BASP1: variants seen among roughly 807,000 people sequenced by gnomAD.
BASP1 encodes brain abundant membrane attached signal protein 1.
A neutral mutation model predicts 2.2 loss-of-function variants in BASP1; 1 was observed. The ratio of observed to expected loss-of-function variants is 0.46; its 90% CI spans 0.16 to 2.17. The LOEUF is 2.17. Ranked by LOEUF, BASP1 falls within the 30% of genes most tolerant of loss-of-function variation. The pLI is 0.27. For synonymous variants in BASP1, 187 were observed against 154.2 expected, an observed-to-expected ratio of 1.21 and a Z score of -1.58; for missense variants, 352 against 327.2, an observed-to-expected ratio of 1.08 and a Z score of -0.58.
chr5:17,250,644 G>A lies in BASP1; in HGVS notation c.-9-24564G>A, dbSNP rs147365049. On this transcript the variant is annotated intron_variant, in intron 1 of 1. Transcript: ENST00000322611. The stretch of plus-strand genomic sequence containing the variant: ...TTTTGAGACGGAGTCTCGCTTTGTC[G>A]CCCAGGCTGGAGTGCAGTGGCCCGA... Among the ~76,000 whole-genome samples, 4 of 151,808 alleles carry A rather than the reference G, an allele frequency of 2.6e-5. No individual in the cohort carries two copies. In the East Asian group the frequency reaches 7.8e-4, roughly 30 times the overall value.
intron 1 of BASP1, among the ~76,000 whole-genome samples, chr5:17,225,281 ACC>A (rs746640987): frequency 7.3e-5 from 11 of 151,510 alleles, no homozygotes; most frequent in Non-Finnish European, 1.5e-4. Context: ...TAAAAAAAAA[ACC>A]AGTCTGGATC....
At chr5:17,247,473 C>T (rs1481664235) in intron 1 of BASP1, among the ~76,000 whole-genome samples, 1 of 152,170 alleles carries the variant, frequency 6.6e-6, no homozygotes, top group Non-Finnish European at 1.5e-5. Flanking sequence ...GTTATTATGC[C>T]TTCATTCAAT....
rs1045929259 is a variant in BASP1 at position 17,276,822 on chromosome 5, C to T, written c.*922C>T. 1.2e-5 allele frequency: 2 copies of T among 165,372 alleles called. No individual in the cohort carries two copies. The highest frequency in any genetic ancestry group is 4.9e-5 in the African/African-American group (2 of 40,926). The allele number at this position is 165,372 out of a possible 1,614,324, so 10.2% of individuals were successfully genotyped here. A position where few individuals can be genotyped will look rare whatever the true frequency, so the allele number is the denominator to read the frequency against. On this transcript the variant is annotated 3_prime_UTR_variant, in exon 2 of 2. Coordinates refer to ENST00000322611, the MANE Select transcript of BASP1 (RefSeq NM_006317.5). ...ATGGTGCAACAGTAATAAAGTTAAA[C>T]AATTAAAAAGAAGTAATAAAGACTA...
chr5:17,236,655 A>T lies in BASP1; in HGVS notation c.-10+18845A>T, dbSNP rs1739754115. 6.6e-6 allele frequency among the ~76,000 whole-genome samples: 1 copy of T among 152,190 alleles called. No homozygotes were observed. Among genetic ancestry groups the T allele is most frequent in the South Asian group, 2.1e-4 (1 of 4,832 alleles). ...TGGCTACTGAATATATCCTGAGAGC[A>T]GGTCCTAAGAGTTTATTTTTCATGT... On this transcript the variant is annotated intron_variant, in intron 1 of 1. Transcript: ENST00000322611. This position sits in a 1 kb window ranked among gnomAD's most constrained non-coding sequence, Gnocchi z 4.0.
intron 1 of BASP1, among the ~76,000 whole-genome samples, chr5:17,228,344 A>G (rs1028350064): frequency 6.6e-6 from 1 of 152,214 alleles, no homozygotes; most frequent in African/African-American, 2.4e-5. Context: ...TAACTATCCA[A>G]TGGAATGGTA....
intron 1 of BASP1, among the ~76,000 whole-genome samples, chr5:17,234,452 C>T (rs58727143): frequency 0.012 from 1,826 of 152,210 alleles, 26 homozygotes; most frequent in African/African-American, 0.042. Context: ...TTAAATGAAA[C>T]ATCAGTGGCA....
At chr5:17,229,283 G>A (rs1469842153) in intron 1 of BASP1, among the ~76,000 whole-genome samples, 1 of 152,192 alleles carries the variant, frequency 6.6e-6, no homozygotes. Context: ...AGGCACCTGT[G>A]AGCAGTGGCA....
intron 1 of BASP1, among the ~76,000 whole-genome samples, chr5:17,239,336 G>A (rs1321177401): frequency 2.0e-5 from 3 of 151,966 alleles, no homozygotes; most frequent in South Asian, 2.1e-4. Context: ...CTTGTGATCC[G>A]CCCGCCTCAG....
intron 1 of BASP1, among the ~76,000 whole-genome samples, chr5:17,255,073 G>A (rs1740179808): frequency 6.6e-6 from 1 of 151,902 alleles, no homozygotes. Flanking sequence ...ATTCTAACTG[G>A]CAACATTTTA....
chr5:17,255,914 A>T (rs1452191853), intron 1 of BASP1, among the ~76,000 whole-genome samples: 1 of 152,200 alleles, frequency 6.6e-6, no homozygotes, highest in Non-Finnish European at 1.5e-5. Context: ...ACACCAGAGT[A>T]GGTTTCTAGA....
Position 17,254,753 on chromosome 5 carries a change from T to A in BASP1, c.-9-20455T>A, listed in dbSNP as rs146378117. On this transcript the variant is annotated intron_variant, in intron 1 of 1. Transcript: ENST00000322611. ...ACTGAAATTTAGTATGTACCATGCT[T>A]AGGACTGATCCGAAGACATTTTAGG... 6.3e-3 allele frequency among the ~76,000 whole-genome samples: 967 copies of A among 152,300 alleles called. 7 individuals carry two copies. The highest frequency in any genetic ancestry group is 9.0e-3 in the Non-Finnish European group (609 of 68,018).
In BASP1 at chr5:17,275,200, G is replaced by C. The variant is rs752802892; in HGVS notation, c.-9-8G>C. On this transcript the variant is annotated splice_region_variant and splice_polypyrimidine_tract_variant and intron_variant, in intron 1 of 1. Transcript: ENST00000322611. The surrounding 1 kb of genome is among the most constrained non-coding windows in gnomAD (Gnocchi z 5.3). ...CGCCGTTTTGTTTTGTTTTGTGTTT[G>C]CTTCCAGAACTCCAAGATGGGAGGC... is the stretch of plus-strand genomic sequence containing the variant. 1.9e-6 allele frequency: 3 copies of C among 1,588,620 alleles called. No individual in the cohort carries two copies. The Admixed American group carries it at 5.1e-5, about 27-fold the overall frequency.
At chr5:17,232,264 C>T (rs144573648) in intron 1 of BASP1, among the ~76,000 whole-genome samples, 19 of 152,326 alleles carry the variant, frequency 1.2e-4, no homozygotes, top group East Asian at 7.7e-4. Context: ...TTACACTCCT[C>T]GTCTGTCCTT....
intron 1 of BASP1, among the ~76,000 whole-genome samples, chr5:17,218,445 T>A (rs1216421639): frequency 1.3e-5 from 2 of 152,148 alleles, no homozygotes; most frequent in African/African-American, 4.8e-5. Flanking sequence ...CGACGTGCAC[T>A]CAGAAGCACC....
chr5:17,238,026 A>C (rs895976205), intron 1 of BASP1, among the ~76,000 whole-genome samples: 3 of 151,826 alleles, frequency 2.0e-5, no homozygotes, highest in Non-Finnish European at 4.4e-5. Flanking sequence ...TATTTGGGGG[A>C]TTCTTGTTCT....
At chr5:17,223,190 A>G (rs1057088535) in intron 1 of BASP1, among the ~76,000 whole-genome samples, 1 of 152,138 alleles carries the variant, frequency 6.6e-6, no homozygotes, top group African/African-American at 2.4e-5. Context: ...TGGACTTTGG[A>G]GCCACAGCAC....
intron 1 of BASP1, among the ~76,000 whole-genome samples, chr5:17,272,071 GAAA>G (rs778258451): frequency 1.7e-3 from 104 of 60,246 alleles, no homozygotes; most frequent in African/African-American, 5.1e-3. Flanking sequence ...TGCATTTCAA[GAAA>G]AAAAAAAAAA....
chr5:17,267,361 T>C (rs1740433450), intron 1 of BASP1, among the ~76,000 whole-genome samples: 1 of 152,182 alleles, frequency 6.6e-6, no homozygotes, highest in South Asian at 2.1e-4. Flanking sequence ...CTATTTGAGA[T>C]GTCTTCAGTG....
chr5:17,261,579 A>T (rs1277053820), intron 1 of BASP1, among the ~76,000 whole-genome samples: 1 of 152,202 alleles, frequency 6.6e-6, no homozygotes, highest in African/African-American at 2.4e-5. Context: ...GAGTTGGAAT[A>T]ACCATCAGAT....
Sources: gnomAD v4.1 joint callset for allele counts (sites outside exome capture counted in the v4.1 genomes callset) on GRCh38, gnomAD v4.1.1 for gene constraint, Gnocchi (gnomAD v3.1) non-coding constraint, MANE v1.5 for transcripts, NCBI Gene and HGNC (gene_info 2026-07-23, HGNC 2026-07-21) for gene names.